RNF14: variants seen among roughly 807,000 people sequenced by gnomAD.
RNF14 encodes the protein E3 ubiquitin-protein ligase RNF14.
Under a neutral mutation model 52.6 loss-of-function variants are expected in RNF14, and 26 were observed. The observed-to-expected ratio is 0.49, with a 90% CI of 0.36 to 0.69. The LOEUF (loss-of-function observed/expected upper bound fraction) is 0.69, where lower values mean the gene tolerates loss of function less well. RNF14 is among the 30% of genes least tolerant of loss of function. The pLI, the probability that RNF14 is intolerant of heterozygous loss-of-function variation, is 0.00. For synonymous variants in RNF14, 194 were observed against 202.0 expected (o/e 0.96, Z 0.34); for missense variants, 404 against 560.4 (o/e 0.72, Z 2.82).
intron 4 of RNF14, 22 bp from the exon 5 acceptor site, chr5:141,978,281 A>G (rs1310796499): frequency 6.5e-7 from 1 of 1,537,676 alleles, no homozygotes. Flanking sequence ...ACTCACCAAC[A>G]TCTTCATGTG....
upstream of RNF14, among the ~76,000 whole-genome samples, chr5:141,953,587 A>C (rs553243096): frequency 2.6e-5 from 4 of 152,362 alleles, no homozygotes; most frequent in Non-Finnish European, 5.9e-5. Context: ...AGTTGATCCC[A>C]AATGGGCACC....
At chr5:141,965,859 T>A (rs948213001), upstream of RNF14, among the ~76,000 whole-genome samples, 1 of 150,226 alleles carries the variant, frequency 6.7e-6, no homozygotes, top group African/African-American at 2.5e-5. Context: ...TCAGGAAGAA[T>A]AAAAAGTACT....
chr5:141,960,938 C>A (rs1753270313), intron 1 of RNF14, among the ~76,000 whole-genome samples: 1 of 152,092 alleles, frequency 6.6e-6, no homozygotes, highest in South Asian at 2.1e-4. Context: ...GGCACAGAGG[C>A]AGGGACCGGG....
At chr5:141,960,713 C>G (rs1397691496) in intron 1 of RNF14, among the ~76,000 whole-genome samples, 1 of 152,198 alleles carries the variant, frequency 6.6e-6, no homozygotes, top group Non-Finnish European at 1.5e-5. Context: ...CACAGCCATA[C>G]CATCACATTG....
Position 141,974,962 on chromosome 5 carries a change from C to T in RNF14, c.306+7C>T. On this transcript the variant is annotated splice_region_variant and intron_variant, in intron 4 of 8. Transcript: ENST00000394520. ...ATGGCTGTCACCAACTCAGGTTAGA[C>T]TTGAAACTTAATTTTTCCTATCCAT... 1 of 1,611,548 alleles carries T rather than the reference C, an allele frequency of 6.2e-7. No individual in the cohort carries two copies. The highest frequency in any genetic ancestry group is 8.5e-7 in the Non-Finnish European group (1 of 1,179,316).
chr5:141,969,170 G>C lies in RNF14; in HGVS notation c.-181+3G>C, dbSNP rs1025304062. The C allele has an allele frequency of 7.8e-5, 12 of 153,170 alleles. No individual in the cohort carries two copies. Among genetic ancestry groups the C allele is most frequent in the African/African-American group, 2.7e-4 (11 of 41,486 alleles). 9.5% of individuals were successfully genotyped at this position (153,170 alleles called of 1,614,324 possible). A position where few individuals can be genotyped will look rare whatever the true frequency, so the allele number is the denominator to read the frequency against. On this transcript the variant is annotated splice_donor_region_variant and intron_variant, in intron 1 of 8. Transcript: ENST00000394520. ...CTAGGCCTGGTCGGCTGGCGGCGGT[G>C]AGTGGGCCCCAGGCAAGGGCGGAGG...
At position 141,974,798 on chromosome 5, in the gene RNF14, GT is replaced by G; in HGVS notation, c.155-4del. 2.5e-6 allele frequency: 4 copies of G among 1,613,512 alleles called. No homozygotes were observed. Among genetic ancestry groups the G allele is most frequent in the Non-Finnish European group, 3.4e-6 (4 of 1,179,702 alleles). ...TGATCCTTTCTAATCTTTGTTTTTG[GT>G]TCAGGCAATTCAAATGAGTGTCTCC... On this transcript the variant is annotated splice_region_variant and splice_polypyrimidine_tract_variant and intron_variant, in intron 3 of 8. Transcript: ENST00000394520.
Position 141,983,478 on chromosome 5 carries a change from C to T in RNF14, c.1162C>T (p.Leu388=). 6.2e-7 allele frequency: 1 copy of T among 1,613,446 alleles called. No homozygotes were observed. Among genetic ancestry groups the T allele is most frequent in the Non-Finnish European group, 8.5e-7 (1 of 1,179,942 alleles). ...RYGKRVIQKA[L]EEMESKEWLE... ...TGGTAAGAGAGTGATTCAGAAGGCA[C>T]TGGAAGAGATGGAAAGTAAGGAGTG... Residue 388 remains leucine (L), a synonymous_variant, in exon 7 of 9, where the codon CTG becomes TTG. Transcript: ENST00000394520.
upstream of RNF14, among the ~76,000 whole-genome samples, chr5:141,954,655 G>A (rs895727844): frequency 6.6e-6 from 1 of 152,144 alleles, no homozygotes; most frequent in African/African-American, 2.4e-5. Flanking sequence ...CTACTTGTGA[G>A]GCACCATAAA....
At chr5:141,957,969 G>A (rs1031568472), upstream of RNF14, 19 of 1,180,904 alleles carry the variant, frequency 1.6e-5, no homozygotes, top group East Asian at 9.6e-5. This position sits in a 1 kb window ranked among gnomAD's most constrained non-coding sequence, Gnocchi z 4.3. Context: ...CAGAGCTGCC[G>A]GCACAACCTT....
upstream of RNF14, chr5:141,969,053 C>T (rs1452159177): frequency 4.6e-5 from 7 of 152,252 alleles, no homozygotes; most frequent in East Asian, 1.9e-4. Context: ...AGAGTCCTCC[C>T]TATGCCGGCG....
chr5:141,962,287 C>T (rs1040050887), upstream of RNF14, among the ~76,000 whole-genome samples: 1 of 152,140 alleles, frequency 6.6e-6, no homozygotes, highest in African/African-American at 2.4e-5. Flanking sequence ...AGAAATAGGA[C>T]CTTTCAAGAA....
rs1275919581 is a variant in RNF14 at position 141,988,880 on chromosome 5, G to A, written c.*1090G>A. ...TTTCTTTGCAACAGCAGTGTTCTGG[G>A]TGATAATTTTGAATTGATACCTGTT... On this transcript the variant is annotated 3_prime_UTR_variant, in exon 9 of 9. Transcript: ENST00000394520. 4 of 152,280 alleles carry A rather than the reference G, an allele frequency of 2.6e-5. No individual in the cohort carries two copies. The highest frequency in any genetic ancestry group is 9.7e-5 in the African/African-American group (4 of 41,428). 9.4% of individuals were successfully genotyped at this position (152,280 alleles called of 1,614,324 possible).
At chr5:141,964,350 C>G (rs532185072), upstream of RNF14, among the ~76,000 whole-genome samples, 41 of 152,148 alleles carry the variant, frequency 2.7e-4, no homozygotes, top group Non-Finnish European at 5.1e-4. Flanking sequence ...CACCAATTGC[C>G]TGGGTTCAGG....
chr5:141,961,976 C>T (rs926062600), upstream of RNF14, among the ~76,000 whole-genome samples: 2 of 152,194 alleles, frequency 1.3e-5, no homozygotes, highest in African/African-American at 2.4e-5. Flanking sequence ...GCCACAGCAT[C>T]ACCACCAAGA....
chr5:141,971,271 T>C (rs1311841632), intron 2 of RNF14, among the ~76,000 whole-genome samples: 3 of 152,252 alleles, frequency 2.0e-5, no homozygotes, highest in Admixed American at 2.0e-4. Flanking sequence ...AGACAAGGTC[T>C]TGCTCTGTCC....
At chr5:141,963,144 T>C (rs770867094), upstream of RNF14, 1 of 152,378 alleles carries the variant, frequency 6.6e-6, no homozygotes, top group Non-Finnish European at 1.5e-5. Context: ...TCTGGCTCCT[T>C]CTTTGGTTTT....
At chr5:141,979,646 C>T (rs1754589759) in intron 5 of RNF14, among the ~76,000 whole-genome samples, 2 of 152,040 alleles carry the variant, frequency 1.3e-5, no homozygotes. Context: ...ACCTATAATC[C>T]CAGCACTTTG....
At position 141,974,823 on chromosome 5, in the gene RNF14, C is replaced by A. The variant is rs1195953508; in HGVS notation, c.174C>A (p.Leu58=). The A allele has an allele frequency of 1.9e-6, 3 of 1,613,964 alleles. No homozygotes were observed. The highest frequency in any genetic ancestry group is 2.5e-6 in the Non-Finnish European group (3 of 1,179,892). The part of the protein sequence containing the change: ...IFVSGNSNEC[L]QNSGFEYTIC... Reference sequence around the variant, plus strand: ...GTTCAGGCAATTCAAATGAGTGTCTCCAGAATAGTGGCTTTGAATACACCA... The same window carrying A: ...GTTCAGGCAATTCAAATGAGTGTCTACAGAATAGTGGCTTTGAATACACCA... Residue 58 remains leucine, a synonymous_variant, in exon 4 of 9, where the codon CTC becomes CTA. Transcript: ENST00000394520.
Sources: allele counts gnomAD v4.1 joint callset (sites outside exome capture counted in the v4.1 genomes callset), GRCh38; gene constraint gnomAD v4.1.1; non-coding constraint Gnocchi (gnomAD v3.1); transcripts MANE v1.5; gene names NCBI Gene and HGNC (gene_info 2026-07-23, HGNC 2026-07-21).